MATK: variants seen among roughly 807,000 people sequenced by gnomAD.
MATK encodes the protein megakaryocyte-associated tyrosine-protein kinase.
MATK carries 41 observed loss-of-function variants against 59.8 expected under a neutral mutation model. That is an observed-to-expected ratio of 0.69 (90% CI 0.53 to 0.89). MATK has a LOEUF of 0.89. MATK is among the 40% of genes least tolerant of loss of function. The probability of loss-of-function intolerance (pLI) is 0.00; values close to 1 mark genes in which losing one functional copy is unlikely to be tolerated. For synonymous variants in MATK, 308 were observed against 306.1 expected (o/e 1.01, Z -0.06); for missense variants, 593 against 719.6 (o/e 0.82, Z 2.01).
At chr19:3,778,803 G>A (rs1437457963) in intron 12 of MATK, among the ~76,000 whole-genome samples, 189 bp downstream of exon 12, 1 of 152,164 alleles carries the variant, frequency 6.6e-6, no homozygotes, top group Non-Finnish European at 1.5e-5. Flanking sequence ...CTGAGCCCAC[G>A]CCTTTTTCAG....
upstream of MATK, chr19:3,787,359 T>C (rs904461840): frequency 1.3e-5 from 2 of 148,488 alleles, no homozygotes; most frequent in Non-Finnish European, 3.0e-5. Flanking sequence ...CTGGGAGGAA[T>C]CCAAGAATTG....
intron 1 of MATK, among the ~76,000 whole-genome samples, chr19:3,795,495 T>G (rs1382447240): frequency 2.0e-5 from 3 of 152,142 alleles, no homozygotes; most frequent in Non-Finnish European, 2.9e-5. Flanking sequence ...CTTGAACTCC[T>G]GACCTTAGAT....
upstream of MATK, among the ~76,000 whole-genome samples, chr19:3,786,660 C>G (rs2037489967): frequency 6.6e-6 from 1 of 151,872 alleles, no homozygotes; most frequent in Admixed American, 6.6e-5. The surrounding 1 kb of genome is among the most constrained non-coding windows in gnomAD (Gnocchi z 4.1). Flanking sequence ...AGCCCGGACT[C>G]CCAGAGGACA....
At chr19:3,788,754 C>G (rs147355110), upstream of MATK, among the ~76,000 whole-genome samples, 1,024 of 152,140 alleles carry the variant, frequency 6.7e-3, 11 homozygotes, top group Middle Eastern at 0.014. Flanking sequence ...AGCCACTGCA[C>G]TATCTCAGCT....
rs1306137768 is a variant in MATK at position 3,781,651 on chromosome 19, T to C, written c.698A>G (p.Gln233Arg). The change falls in exon 8 of 14, where the codon CAG becomes CGG. Residue 233 changes from glutamine to arginine, a missense_variant. By Grantham distance (43) the Gln-to-Arg change is conservative. Coordinates refer to ENST00000310132, the MANE Select transcript of MATK (RefSeq NM_139355.3). Reference protein sequence around the residue: ...LARAGWLLNLQHLTLGAQIGE... With the variant: ...LARAGWLLNLRHLTLGAQIGE... ...GATCTGTGCTCCCAATGTCAAATGC[T>C]GCAGGTTCAGTAACCAGCCCGCTGT... The C allele has an allele frequency of 6.2e-7, 1 of 1,613,718 alleles. No homozygotes were observed. Among genetic ancestry groups the C allele is most frequent in the African/African-American group, 1.3e-5 (1 of 74,928 alleles).
At chr19:3,789,354 G>A (rs1312681420), upstream of MATK, 2 of 769,958 alleles carry the variant, frequency 2.6e-6, no homozygotes, top group Admixed American at 3.4e-5. Context: ...GCATGAGAGG[G>A]ACATTTAAGA....
intron 1 of MATK, chr19:3,793,473 G>A (rs1262572199): frequency 6.6e-6 from 1 of 152,252 alleles, no homozygotes; most frequent in Non-Finnish European, 1.5e-5. Context: ...GGAGGCTGAG[G>A]AGGGTGGATC....
Position 3,777,976 on chromosome 19 carries a change from C to T in MATK, c.*207G>A. On this transcript the variant is annotated 3_prime_UTR_variant, in exon 14 of 14. Transcript: ENST00000310132. The stretch of plus-strand genomic sequence containing the variant: ...CAGAGACACACAGGCGCCTAGAGTC[C>T]TTAGAATCCGTCTTTATCGGGCGAT... 1.6e-6 allele frequency: 1 copy of T among 643,974 alleles called. No individual in the cohort carries two copies. Among genetic ancestry groups the T allele is most frequent in the South Asian group, 2.5e-5 (1 of 39,844 alleles). The allele number at this position is 643,974 out of a possible 1,614,324, so 39.9% of individuals were successfully genotyped here.
intron 12 of MATK, 33 bp from the exon 13 acceptor site, chr19:3,778,628 C>G: frequency 6.3e-7 from 1 of 1,581,018 alleles, no homozygotes. Context: ...GAGGAGGGAC[C>G]CCTCAGGTTT....
At chr19:3,796,377 C>T (rs774117943) in intron 1 of MATK, among the ~76,000 whole-genome samples, 1 of 152,132 alleles carries the variant, frequency 6.6e-6, no homozygotes, top group Non-Finnish European at 1.5e-5. Flanking sequence ...TGTCCATTGA[C>T]TTCCTATTCC....
At chr19:3,781,721 C>A in intron 7 of MATK, 49 bp from the exon 8 acceptor site, 1 of 1,451,506 alleles carries the variant, frequency 6.9e-7, no homozygotes, top group Non-Finnish European at 9.6e-7. Context: ...CCTAAATCCT[C>A]CCATTGGGGG....
In MATK at chr19:3,783,415, T is replaced by TG. The variant is rs940693798; in HGVS notation, c.583-197dup. The TG allele has an allele frequency of 3.6e-5, 22 of 610,086 alleles. No homozygotes were observed. In the Admixed American group the frequency reaches 4.4e-4, roughly 12 times the overall value. 37.8% of individuals were successfully genotyped at this position (610,086 alleles called of 1,614,324 possible). ...GGATTGGTATCAACTTGGGGGGTCC[T>TG]GGGGGGTCCCCAGAGGAGTCACTCT... is the stretch of plus-strand genomic sequence containing the variant. On this transcript the variant is annotated intron_variant, in intron 6 of 13. Coordinates refer to ENST00000310132, the MANE Select transcript of MATK (RefSeq NM_139355.3).
At position 3,778,237 on chromosome 19, in the gene MATK, G is replaced by A. The variant is rs1266768773; in HGVS notation, c.1470C>T (p.Ser490=). The A allele has an allele frequency of 6.3e-6, 10 of 1,575,306 alleles. No individual in the cohort carries two copies. Among genetic ancestry groups the A allele is most frequent in the African/African-American group, 2.8e-5 (2 of 72,586 alleles). ...AGCCGTCGGCGTCCTGCCCTGAGAC[G>A]GAGGCTGGGGCACCTGCACTGCGTA... ...RELRSAGAPA[S]VSGQDADGST... is the part of the protein sequence containing the mutation. Residue 490 remains serine (S), a synonymous_variant, in exon 14 of 14, where the codon TCC becomes TCT. Transcript: ENST00000310132.
upstream of MATK, among the ~76,000 whole-genome samples, chr19:3,789,777 T>A (rs568713932): frequency 7.0e-5 from 10 of 142,032 alleles, no homozygotes; most frequent in Admixed American, 7.5e-4. Context: ...CGGGCTAGAG[T>A]GCAGTGGCCT....
In MATK at chr19:3,794,999, C is replaced by A. The variant is rs866349103; in HGVS notation, c.-57-5595G>T. Among the ~76,000 whole-genome samples the A allele has an allele frequency of 7.0e-3, 692 of 98,984 alleles. 7 individuals are homozygous for A. The highest frequency in any genetic ancestry group is 0.027 in the African/African-American group (655 of 24,244). 64.9% of individuals were successfully genotyped at this position (98,984 alleles called of 152,430 possible). A position where few individuals can be genotyped will look rare whatever the true frequency, so the allele number is the denominator to read the frequency against. On this transcript the variant is annotated intron_variant, in intron 1 of 13. Transcript: ENST00000395045. ...GCTTTTTTTTTTTTTTTTTTTTGAG[C>A]TGGAGTCTCGCTCTGTTGCCCAGGC...
At chr19:3,784,963 G>T in intron 2 of MATK, 79 bp from the exon 3 acceptor site, 2 of 1,433,528 alleles carry the variant, frequency 1.4e-6, no homozygotes, top group African/African-American at 1.4e-5. Flanking sequence ...CCCAGGTCAG[G>T]TGGGGGCGAT....
chr19:3,797,507 A>G (rs2037607082), intron 1 of MATK, among the ~76,000 whole-genome samples: 2 of 151,430 alleles, frequency 1.3e-5, no homozygotes, highest in African/African-American at 4.9e-5. Flanking sequence ...GCTGGTTTCA[A>G]ACTCCTGAGC....
upstream of MATK, among the ~76,000 whole-genome samples, chr19:3,790,779 GC>G (rs1160385216): frequency 6.6e-6 from 1 of 152,196 alleles, no homozygotes; most frequent in Non-Finnish European, 1.5e-5. Context: ...TTTGGGGAAA[GC>G]CTTCCTCAAG....
chr19:3,801,375 G>T (rs1324843780), intron 1 of MATK, among the ~76,000 whole-genome samples: 1 of 152,122 alleles, frequency 6.6e-6, no homozygotes, highest in East Asian at 1.9e-4. Context: ...GACTGGGCCG[G>T]GGGACTCAGG....
Sources: gnomAD v4.1 joint callset for allele counts (sites outside exome capture counted in the v4.1 genomes callset) on GRCh38, gnomAD v4.1.1 for gene constraint, Gnocchi (gnomAD v3.1) non-coding constraint, MANE v1.5 for transcripts, NCBI Gene and HGNC (gene_info 2026-07-23, HGNC 2026-07-21) for gene names.